FNBP1L: variants seen among roughly 807,000 people sequenced by gnomAD.
FNBP1L encodes the protein formin binding protein 1 like.
In FNBP1L, 36 loss-of-function variants were observed where a neutral mutation model predicts 91.2. The observed-to-expected ratio is 0.39, with a 90% CI of 0.30 to 0.52. The LOEUF (loss-of-function observed/expected upper bound fraction) is 0.52. Ranked by LOEUF, FNBP1L falls within the 20% of genes least tolerant of loss-of-function variation. The pLI is 0.66. For missense variants in FNBP1L, 571 were observed against 732.1 expected, an observed-to-expected ratio of 0.78 and a Z score of 2.54; for synonymous variants, 242 against 237.0, an observed-to-expected ratio of 1.02 and a Z score of -0.19.
intron 7 of FNBP1L, among the ~76,000 whole-genome samples, chr1:93,532,008 A>G (rs1460555887): frequency 6.6e-6 from 1 of 151,998 alleles, no homozygotes; most frequent in Non-Finnish European, 1.5e-5. Flanking sequence ...AGTTGTGAGG[A>G]TTCTATATGT....
intron 5 of FNBP1L, 62 bp from the exon 6 acceptor site, chr1:93,529,590 T>C: frequency 9.7e-7 from 1 of 1,036,178 alleles, no homozygotes; most frequent in Non-Finnish European, 1.4e-6. Context: ...TCTAAAGTTA[T>C]TTCTTAAATG....
At chr1:93,481,750 T>A (rs1465568841) in intron 1 of FNBP1L, among the ~76,000 whole-genome samples, 1 of 152,228 alleles carries the variant, frequency 6.6e-6, no homozygotes, top group East Asian at 1.9e-4. Flanking sequence ...ACGTAATTGT[T>A]GGTCATTCTT....
intron 1 of FNBP1L, among the ~76,000 whole-genome samples, chr1:93,485,821 C>T (rs1438863257): frequency 9.9e-5 from 15 of 152,172 alleles, no homozygotes; most frequent in African/African-American, 3.4e-4. Context: ...CTTAGCCTCC[C>T]GAGTAGCTGG....
rs894658030 is a variant in FNBP1L at position 93,482,431 on chromosome 1, AT to A, written c.25-17030del. The stretch of plus-strand genomic sequence containing the variant: ...AAGAATTTTAATAGTTTTTCTTTAA[AT>A]TTTTTTATAAATATGCTTGTAAGTA... On this transcript the variant is annotated intron_variant, in intron 1 of 16. Transcript: ENST00000271234. Among the ~76,000 whole-genome samples the A allele has an allele frequency of 7.9e-5, 12 of 151,840 alleles. 2 individuals are homozygous for A. The highest frequency in any genetic ancestry group is 3.9e-4 in the Admixed American group (6 of 15,212).
intron 2 of FNBP1L, among the ~76,000 whole-genome samples, chr1:93,512,629 C>T (rs547529452): frequency 0.099 from 14,736 of 148,242 alleles, 828 homozygotes; most frequent in African/African-American, 0.16. Flanking sequence ...CACTCAAAAC[C>T]GCTCAACTAC....
At chr1:93,527,682 C>T (rs1002978453) in intron 5 of FNBP1L, among the ~76,000 whole-genome samples, 1 of 151,948 alleles carries the variant, frequency 6.6e-6, no homozygotes, top group Non-Finnish European at 1.5e-5. Flanking sequence ...TATCATAATC[C>T]GTAAAGCCCG....
At chr1:93,531,631 G>A (rs1046748011) in intron 7 of FNBP1L, among the ~76,000 whole-genome samples, 3 of 152,200 alleles carry the variant, frequency 2.0e-5, no homozygotes, top group Admixed American at 1.3e-4. Context: ...ATGAACTGGA[G>A]TGGGGACCAG....
chr1:93,511,419 A>G (rs958689837), intron 2 of FNBP1L, among the ~76,000 whole-genome samples: 6 of 152,212 alleles, frequency 3.9e-5, no homozygotes, highest in African/African-American at 1.4e-4. Flanking sequence ...AGATTTTGTC[A>G]CCACCAGGCC....
chr1:93,504,749 T>C (rs1188854785), intron 2 of FNBP1L, among the ~76,000 whole-genome samples: 2 of 152,202 alleles, frequency 1.3e-5, no homozygotes, highest in Non-Finnish European at 2.9e-5. Context: ...TGGAGAAATG[T>C]CTATTCAAGT....
At chr1:93,500,549 T>C (rs1670411719) in intron 2 of FNBP1L, among the ~76,000 whole-genome samples, 1 of 149,562 alleles carries the variant, frequency 6.7e-6, no homozygotes, top group Non-Finnish European at 1.5e-5. Context: ...GCTTCTTTTC[T>C]CCAGAAATAC....
intron 2 of FNBP1L, among the ~76,000 whole-genome samples, chr1:93,504,346 TA>T (rs1670535899): frequency 6.6e-6 from 1 of 152,108 alleles, no homozygotes; most frequent in Non-Finnish European, 1.5e-5. Flanking sequence ...ATATTTCGGG[TA>T]GGCTTAGATA....
intron 12 of FNBP1L, among the ~76,000 whole-genome samples, chr1:93,544,749 A>G (rs1672162952): frequency 6.6e-6 from 1 of 152,148 alleles, no homozygotes; most frequent in South Asian, 2.1e-4. Flanking sequence ...GTGACTTGCT[A>G]TGTCTTCACT....
At chr1:93,465,379 G>C (rs1669040537) in intron 1 of FNBP1L, among the ~76,000 whole-genome samples, 2 of 151,698 alleles carry the variant, frequency 1.3e-5, no homozygotes, top group Admixed American at 1.3e-4. Flanking sequence ...ACAGGCCGCG[G>C]TGTGTGATGT....
intron 1 of FNBP1L, among the ~76,000 whole-genome samples, chr1:93,490,073 T>C (rs570500975): frequency 1.3e-5 from 2 of 152,324 alleles, no homozygotes; most frequent in East Asian, 3.9e-4. Flanking sequence ...AAGTACTTTA[T>C]TGGTACTTCA....
At chr1:93,497,030 G>T (rs1468322494) in intron 1 of FNBP1L, among the ~76,000 whole-genome samples, 4 of 151,984 alleles carry the variant, frequency 2.6e-5, no homozygotes, top group African/African-American at 7.3e-5. Context: ...GCACGATCTC[G>T]GCTCACTGCA....
chr1:93,448,797 G>A (rs1668371276), intron 1 of FNBP1L, among the ~76,000 whole-genome samples: 1 of 152,150 alleles, frequency 6.6e-6, no homozygotes, highest in South Asian at 2.1e-4. Flanking sequence ...GGCGTCGCCC[G>A]TCTGGGGCGG....
chr1:93,523,316 T>C, intron 3 of FNBP1L, 28 bp from the exon 4 acceptor site: 1 of 1,578,772 alleles, frequency 6.3e-7, no homozygotes, highest in Non-Finnish European at 8.6e-7. Context: ...TAAAAGTAAG[T>C]CTCACCATTT....
chr1:93,494,592 G>C (rs1002660010), intron 1 of FNBP1L, among the ~76,000 whole-genome samples: 1 of 152,160 alleles, frequency 6.6e-6, no homozygotes, highest in Non-Finnish European at 1.5e-5. Flanking sequence ...ATGATTGAAA[G>C]GGGGTTATTA....
intron 1 of FNBP1L, 37 bp from the exon 2 acceptor site, chr1:93,499,431 A>G: frequency 1.5e-6 from 2 of 1,311,494 alleles, no homozygotes; most frequent in Non-Finnish European, 2.1e-6. Context: ...ATAAAATTTT[A>G]GACTTTTGAA....
Sources: allele counts gnomAD v4.1 joint callset (sites outside exome capture counted in the v4.1 genomes callset), GRCh38; gene constraint gnomAD v4.1.1; transcripts MANE v1.5; gene names NCBI Gene and HGNC (gene_info 2026-07-23, HGNC 2026-07-21).